Variants in KRT79 observed in about 807,000 individuals in gnomAD.
KRT79 encodes keratin, type II cytoskeletal 79.
In KRT79, 51 loss-of-function variants were observed where a neutral mutation model predicts 49.0. The observed-to-expected ratio is 1.04, with a 90% CI of 0.83 to 1.31. KRT79 has a LOEUF of 1.31. Among genes scored for constraint, KRT79 ranks in the 40% most tolerant of loss-of-function variants. The pLI is 0.00. For synonymous variants in KRT79, 312 were observed against 286.6 expected (o/e 1.09, Z -0.90); for missense variants, 728 against 688.0 (o/e 1.06, Z -0.65).
At chr12:52,822,864 G>GCAGTGGGCA (rs1035241115) in intron 7 of KRT79, 152 bp downstream of exon 7, 1 of 692,394 alleles carries the variant, frequency 1.4e-6, no homozygotes. Flanking sequence ...AGTGATGGAG[G>GCAGTGGGCA]CAGTGGGCAC....
chr12:52,827,993 C>G (rs1416960398), intron 4 of KRT79, among the ~76,000 whole-genome samples: 1 of 152,046 alleles, frequency 6.6e-6, no homozygotes, highest in Non-Finnish European at 1.5e-5. Flanking sequence ...GGAGGAGACC[C>G]CAAAACCCCA....
Position 52,821,819 on chromosome 12 carries a change from T to A in KRT79, c.*53A>T, listed in dbSNP as rs563550936. On this transcript the variant is annotated 3_prime_UTR_variant, in exon 9 of 9. Coordinates refer to ENST00000330553, the MANE Select transcript of KRT79 (RefSeq NM_175834.3). ...AAGTGACTGGAAAGGACAGCAGAGG[T>A]GGGGTGAGGAGGGCAGGGACAGGAT... 2 of 1,506,642 alleles carry A rather than the reference T, an allele frequency of 1.3e-6. No individual in the cohort carries two copies. Among genetic ancestry groups the A allele is most frequent in the Non-Finnish European group, 1.8e-6 (2 of 1,093,322 alleles). The allele number at this position is 1,506,642 out of a possible 1,614,324, so 93.3% of individuals were successfully genotyped here.
chr12:52,834,277 G>A lies in KRT79; in HGVS notation c.-17C>T, dbSNP rs778167746. On this transcript the variant is annotated 5_prime_UTR_variant, in exon 1 of 9. Coordinates refer to ENST00000330553, the MANE Select transcript of KRT79 (RefSeq NM_175834.3). ...GGACCTCATAGCTGCAGAGGGGCCG[G>A]AGGGCAGGATGAGAGGGCAGGAAGG... is the stretch of plus-strand genomic sequence containing the variant. 3.6e-5 allele frequency: 57 copies of A among 1,600,672 alleles called. No homozygotes were observed. The East Asian group carries it at 1.2e-3, about 33-fold the overall frequency.
chr12:52,822,967 C>T lies in KRT79; in HGVS notation c.1367+49G>A, dbSNP rs557002474. ...GGAGCAGACTCCCTGGGCTCTCCCC[C>T]AGGGCAGGCCCGACCCAGCTTTCTG... is the stretch of plus-strand genomic sequence containing the variant. On this transcript the variant is annotated intron_variant, in intron 7 of 8. Transcript: ENST00000330553. The T allele has an allele frequency of 1.1e-4, 172 of 1,580,006 alleles. No homozygotes were observed. In the East Asian group the frequency reaches 3.2e-3, roughly 30 times the overall value.
chr12:52,831,367 C>A (rs745793363), intron 2 of KRT79, 39 bp downstream of exon 2: 11 of 1,591,952 alleles, frequency 6.9e-6, no homozygotes, highest in Non-Finnish European at 9.5e-6. Flanking sequence ...ACTGCCCCTC[C>A]TCACTCCCAC....
At chr12:52,829,944 T>C (rs1940227034) in intron 4 of KRT79, 79 bp downstream of exon 4, 2 of 1,209,194 alleles carry the variant, frequency 1.7e-6, no homozygotes, top group Non-Finnish European at 2.5e-6. Context: ...CACTGGTGAA[T>C]TCAGGTCAGA....
At chr12:52,822,865 C>T in intron 7 of KRT79, 151 bp downstream of exon 7, 1 of 694,830 alleles carries the variant, frequency 1.4e-6, no homozygotes, top group South Asian at 1.9e-5. Flanking sequence ...GTGATGGAGG[C>T]AGTGGGCACA....
rs750077364 is a variant in KRT79 at position 52,821,851 on chromosome 12, G to A, written c.*21C>T. Reference sequence around the variant, plus strand: ...AGGAGGGCAGGGACAGGATTGCAGGGGCCCTTGCAGGGCTCAGCAGCTAAT... The same window carrying A: ...AGGAGGGCAGGGACAGGATTGCAGGAGCCCTTGCAGGGCTCAGCAGCTAAT... On this transcript the variant is annotated 3_prime_UTR_variant, in exon 9 of 9. Coordinates refer to ENST00000330553, the MANE Select transcript of KRT79 (RefSeq NM_175834.3). 6.2e-7 allele frequency: 1 copy of A among 1,607,676 alleles called. No individual in the cohort carries two copies. Among genetic ancestry groups the A allele is most frequent in the South Asian group, 1.1e-5 (1 of 90,396 alleles).
chr12:52,827,882 G>T (rs1204412627), intron 4 of KRT79, among the ~76,000 whole-genome samples: 4 of 152,190 alleles, frequency 2.6e-5, no homozygotes, highest in Non-Finnish European at 5.9e-5. Flanking sequence ...CCTTGGCCTT[G>T]TTGGAGATCA....
In KRT79 at chr12:52,834,081, T is replaced by C. The variant is rs1459760456; in HGVS notation, c.180A>G (p.Arg60=). 3 of 1,613,248 alleles carry C rather than the reference T, an allele frequency of 1.9e-6. No individual in the cohort carries two copies. Residue 60 remains arginine, a synonymous_variant, in exon 1 of 9, where the codon CGA becomes CGG. Transcript: ENST00000330553. ...TGTGGCCCCCCAAGTTATAGAGGCT[T>C]CGGCTGCCAAAGCCACCTGTGCCGG... ...CGPGTGGFGS[R]SLYNLGGHKS...
intron 8 of KRT79, 48 bp downstream of exon 8, chr12:52,822,297 C>A: frequency 6.3e-7 from 1 of 1,587,690 alleles, no homozygotes. Context: ...GAGCAGAGTT[C>A]TGGGGCCTGG....
chr12:52,833,658 G>A, intron 1 of KRT79, 126 bp downstream of exon 1: 1 of 811,524 alleles, frequency 1.2e-6, no homozygotes, highest in East Asian at 2.4e-5. Flanking sequence ...GACCGGGAGA[G>A]CTCCAGAGCT....
Position 52,823,137 on chromosome 12 carries a change from G to A in KRT79, c.1246C>T (p.His416Tyr), listed in dbSNP as rs1280378325. 2 of 1,614,188 alleles carry A rather than the reference G, an allele frequency of 1.2e-6. No homozygotes were observed. Among genetic ancestry groups the A allele is most frequent in the Non-Finnish European group, 1.7e-6 (2 of 1,180,014 alleles). ...CGTGTCAGGTCCTCCTTGGCCTGGTGCAGGGCCACATCCAGATCCCCAAGC... is the reference window on the plus strand; with the variant it reads ...CGTGTCAGGTCCTCCTTGGCCTGGTACAGGGCCACATCCAGATCCCCAAGC... ...KKLGDLDVAL[H>Y]QAKEDLTRLL... Residue 416 changes from histidine to tyrosine, a missense_variant, in exon 7 of 9, where the codon CAC (histidine) becomes TAC (tyrosine). Physicochemically the swap from His to Tyr is moderately conservative, Grantham distance 83. Transcript: ENST00000330553.
Position 52,831,621 on chromosome 12 carries a change from C to T in KRT79, c.483G>A (p.Arg161=), listed in dbSNP as rs1470755804. 3 of 1,613,614 alleles carry T rather than the reference C, an allele frequency of 1.9e-6. No homozygotes were observed. Among genetic ancestry groups the T allele is most frequent in the Admixed American group, 3.3e-5 (2 of 60,028 alleles). Residue 161 remains arginine, a synonymous_variant, in exon 2 of 9, where the codon CGG becomes CGA. Coordinates refer to ENST00000330553, the MANE Select transcript of KRT79 (RefSeq NM_175834.3). ...NKFASFIDKV[R]FLEQQNKVLE... is the part of the protein sequence containing the mutation. ...GCACCTTATTCTGTTGCTCCAGGAA[C>T]CGCACCTGAGCCAGAGCAGAAAGGG... is the stretch of plus-strand genomic sequence containing the variant.
intron 4 of KRT79, 53 bp downstream of exon 4, chr12:52,829,970 C>T (rs1042304601): frequency 4.8e-6 from 7 of 1,468,592 alleles, no homozygotes; most frequent in African/African-American, 1.4e-5. Flanking sequence ...ATGGAAAACG[C>T]CCAGTGCTGT....
At chr12:52,826,036 G>A (rs1940170463) in intron 4 of KRT79, among the ~76,000 whole-genome samples, 1 of 149,784 alleles carries the variant, frequency 6.7e-6, no homozygotes, top group African/African-American at 2.5e-5. Context: ...TGTCACAGCT[G>A]CTTTGTCTCC....
intron 4 of KRT79, 32 bp from the exon 5 acceptor site, chr12:52,824,394 C>T (rs745408580): frequency 6.2e-7 from 1 of 1,606,968 alleles, no homozygotes; most frequent in Admixed American, 1.7e-5. Context: ...CCACCAGCAC[C>T]CCTGCTCCAG....
intron 4 of KRT79, among the ~76,000 whole-genome samples, chr12:52,827,462 A>G (rs1213540208): frequency 6.6e-6 from 1 of 152,236 alleles, no homozygotes; most frequent in African/African-American, 2.4e-5. Flanking sequence ...GGGAGAGAGA[A>G]TGGAACCTAA....
chr12:52,831,319 G>A, intron 2 of KRT79, 87 bp downstream of exon 2: 1 of 1,306,486 alleles, frequency 7.7e-7, no homozygotes, highest in Non-Finnish European at 1.1e-6. Flanking sequence ...GTGGGCCTGG[G>A]ACCCTGGGAA....
Sources: gnomAD v4.1 joint callset for allele counts (sites outside exome capture counted in the v4.1 genomes callset) on GRCh38, gnomAD v4.1.1 for gene constraint, MANE v1.5 for transcripts, NCBI Gene and HGNC (gene_info 2026-07-23, HGNC 2026-07-21) for gene names.